BICD1: variants seen among roughly 807,000 people sequenced by gnomAD.
The protein encoded by BICD1 is BICD cargo adaptor 1.
BICD1 carries 35 observed loss-of-function variants against 92.5 expected under a neutral mutation model. The observed-to-expected ratio is 0.38, with a 90% CI of 0.29 to 0.50. BICD1 has a LOEUF of 0.50. BICD1 is among the 20% of genes least tolerant of loss of function. The pLI is 0.93. For synonymous variants in BICD1, 429 were observed against 465.1 expected, an observed-to-expected ratio of 0.92 and a Z score of 1.00; for missense variants, 950 against 1,189.8, an observed-to-expected ratio of 0.80 and a Z score of 2.97.
chr12:32,179,712 C>T (rs986433209), intron 1 of BICD1, among the ~76,000 whole-genome samples: 9 of 151,758 alleles, frequency 5.9e-5, no homozygotes, highest in East Asian at 1.9e-4. Context: ...TCACAGGGAC[C>T]GGGTGCAATG....
chr12:32,342,921 G>A (rs937427980), intron 8 of BICD1, among the ~76,000 whole-genome samples: 4 of 152,184 alleles, frequency 2.6e-5, no homozygotes, highest in African/African-American at 7.2e-5. Flanking sequence ...ATTGATTAAT[G>A]CATTATACTG....
intron 9 of BICD1, 29 bp downstream of exon 9, chr12:32,367,774 C>G (rs771080840): frequency 6.3e-7 from 1 of 1,591,006 alleles, no homozygotes; most frequent in Non-Finnish European, 8.6e-7. Flanking sequence ...TCCCTTCCAC[C>G]CAGCTGCATG....
At chr12:32,259,929 T>A (rs199746353) in intron 2 of BICD1, among the ~76,000 whole-genome samples, 8,973 of 151,420 alleles carry the variant, frequency 0.059, 368 homozygotes, top group East Asian at 0.22. Flanking sequence ...ACACACTTTT[T>A]TTTTTTTTTT....
At chr12:32,224,913 G>A (rs1945636662) in intron 2 of BICD1, among the ~76,000 whole-genome samples, 1 of 152,174 alleles carries the variant, frequency 6.6e-6, no homozygotes, top group East Asian at 1.9e-4. Context: ...TGTTGGCCAG[G>A]CTGATCTCGA....
At chr12:32,220,155 G>A (rs1410069865) in intron 2 of BICD1, among the ~76,000 whole-genome samples, 2 of 152,104 alleles carry the variant, frequency 1.3e-5, no homozygotes, top group East Asian at 3.8e-4. Flanking sequence ...AGAAAACCTA[G>A]CCATTACCAT....
At chr12:32,133,649 A>G (rs1942633657) in intron 1 of BICD1, among the ~76,000 whole-genome samples, 1 of 152,176 alleles carries the variant, frequency 6.6e-6, no homozygotes, top group Non-Finnish European at 1.5e-5. Context: ...GTGTGGAGCC[A>G]TATTTCTTAG....
intron 1 of BICD1, among the ~76,000 whole-genome samples, chr12:32,155,378 C>G (rs566738928): frequency 2.0e-5 from 3 of 152,132 alleles, no homozygotes; most frequent in Admixed American, 2.0e-4. Flanking sequence ...TTTCAGCTGT[C>G]CAGCTATGGA....
intron 1 of BICD1, among the ~76,000 whole-genome samples, chr12:32,208,244 C>A (rs1244334378): frequency 6.6e-6 from 1 of 152,158 alleles, no homozygotes; most frequent in Non-Finnish European, 1.5e-5. Flanking sequence ...TGCATTAAAC[C>A]CCAATGGATT....
intron 1 of BICD1, among the ~76,000 whole-genome samples, chr12:32,182,990 C>G (rs1331535597): frequency 6.8e-6 from 1 of 147,322 alleles, no homozygotes; most frequent in African/African-American, 2.5e-5. Flanking sequence ...GACCTAGACT[C>G]GAGCAATCCT....
chr12:32,125,964 G>A (rs915657013), intron 1 of BICD1, among the ~76,000 whole-genome samples: 13 of 150,174 alleles, frequency 8.7e-5, no homozygotes, highest in African/African-American at 3.0e-4. Context: ...TGGGAGAATC[G>A]CTTGAGCCCA....
At chr12:32,315,202 A>G (rs1484594354) in intron 4 of BICD1, among the ~76,000 whole-genome samples, 1 of 152,194 alleles carries the variant, frequency 6.6e-6, no homozygotes, top group East Asian at 1.9e-4. Flanking sequence ...CCATTTGTTG[A>G]AAAGACTATT....
Position 32,108,812 on chromosome 12 carries a change from T to G in BICD1, c.213+1268T>G, listed in dbSNP as rs1941589230. On this transcript the variant is annotated intron_variant, in intron 1 of 9. Transcript: ENST00000652176. ...AAAATCCCAACTAGGAATCTAATTT[T>G]TGTGTGTCAGGCTGTAAATTTCTGG... The G allele has an allele frequency of 7.3e-6, 4 of 548,984 alleles. No individual in the cohort carries two copies. In the South Asian group the frequency reaches 7.4e-5, roughly 10 times the overall value. The allele number at this position is 548,984 out of a possible 1,614,324, so 34.0% of individuals were successfully genotyped here.
intron 2 of BICD1, among the ~76,000 whole-genome samples, chr12:32,253,527 T>C (rs1946621774): frequency 6.6e-6 from 1 of 152,150 alleles, no homozygotes; most frequent in Admixed American, 6.5e-5. Context: ...GTGATCAGAC[T>C]GTTTCCTCTT....
At chr12:32,370,135 A>C (rs11051961) in intron 9 of BICD1, among the ~76,000 whole-genome samples, 5,352 of 152,180 alleles carry the variant, frequency 0.035, 313 homozygotes, top group East Asian at 0.27. Context: ...TTGGGAGGCC[A>C]AGGCCGGTGG....
chr12:32,124,929 C>G (rs1013152262), intron 1 of BICD1, among the ~76,000 whole-genome samples: 1 of 152,144 alleles, frequency 6.6e-6, no homozygotes, highest in African/African-American at 2.4e-5. Context: ...CTGACTGTAA[C>G]AAAGTTGGGA....
chr12:32,162,770 T>C (rs1943637543), intron 1 of BICD1, among the ~76,000 whole-genome samples: 1 of 152,086 alleles, frequency 6.6e-6, no homozygotes. Flanking sequence ...ATCGCTTGAA[T>C]TCAGGAGTTT....
intron 2 of BICD1, among the ~76,000 whole-genome samples, chr12:32,234,156 T>TAG (rs1339158179): frequency 6.6e-6 from 1 of 152,228 alleles, no homozygotes; most frequent in Non-Finnish European, 1.5e-5. Flanking sequence ...TGAATTAAGT[T>TAG]AGAACACTAT....
In BICD1 at chr12:32,280,917, G is replaced by T. The variant is rs533690138; in HGVS notation, c.427-13077G>T. Among the ~76,000 whole-genome samples the T allele has an allele frequency of 3.7e-4, 56 of 152,316 alleles. No individual in the cohort carries two copies. In the South Asian group the frequency reaches 0.01, roughly 28 times the overall value. ...CAAAATGCTTTTTTAAAAGGACAAA[G>T]GTCTTGTGGTCAAATCAGTTTAGCG... is the stretch of plus-strand genomic sequence containing the variant. On this transcript the variant is annotated intron_variant, in intron 2 of 9. Coordinates refer to ENST00000652176, the MANE Select transcript of BICD1 (RefSeq NM_001714.4).
At chr12:32,359,324 A>G (rs890477667) in intron 8 of BICD1, among the ~76,000 whole-genome samples, 1 of 152,136 alleles carries the variant, frequency 6.6e-6, no homozygotes, top group African/African-American at 2.4e-5. Context: ...TGATTTATAA[A>G]GAAAAGGAAT....
Sources: gnomAD v4.1 joint callset for allele counts (sites outside exome capture counted in the v4.1 genomes callset) on GRCh38, gnomAD v4.1.1 for gene constraint, MANE v1.5 for transcripts, NCBI Gene and HGNC (gene_info 2026-07-23, HGNC 2026-07-21) for gene names.